The following ADCY5 variants were observed in gnomAD, a reference collection of about 807,000 sequenced individuals.
ADCY5 encodes the protein adenylate cyclase type 5.
In ADCY5, 30 loss-of-function variants were observed where a neutral mutation model predicts 119.7. That is an observed-to-expected ratio of 0.25 (90% CI 0.19 to 0.34). The LOEUF (loss-of-function observed/expected upper bound fraction) is 0.34, where lower values mean the gene tolerates loss of function less well. Ranked by LOEUF, ADCY5 falls within the 10% of genes least tolerant of loss-of-function variation. The pLI is 1.00. For synonymous variants in ADCY5, 753 were observed against 762.2 expected (o/e 0.99, Z 0.20); for missense variants, 1,324 against 1,775.2 (o/e 0.75, Z 4.57).
At chr3:123,336,495 G>A (rs1207951912) in intron 3 of ADCY5, among the ~76,000 whole-genome samples, 2 of 152,240 alleles carry the variant, frequency 1.3e-5, no homozygotes, top group Non-Finnish European at 2.9e-5. Flanking sequence ...AGGCTATGCA[G>A]CAAAGGCCTG....
At chr3:123,416,148 G>A in intron 1 of ADCY5, 6 of 1,535,592 alleles carry the variant, frequency 3.9e-6, no homozygotes, top group East Asian at 2.4e-5. Context: ...AAAGGGACAG[G>A]TAGTGTGGGA....
chr3:123,376,121 G>C (rs1007299687), intron 1 of ADCY5, among the ~76,000 whole-genome samples: 3 of 152,074 alleles, frequency 2.0e-5, no homozygotes, highest in Non-Finnish European at 2.9e-5. Flanking sequence ...CTGTTTCAGC[G>C]GGATTGTGAC....
At chr3:123,402,520 G>A (rs1239428920) in intron 1 of ADCY5, among the ~76,000 whole-genome samples, 2 of 152,214 alleles carry the variant, frequency 1.3e-5, no homozygotes, top group Admixed American at 1.3e-4. Flanking sequence ...ATCCAAGGAA[G>A]AGCAGCTCAT....
At position 123,291,007 on chromosome 3, in the gene ADCY5, T is replaced by C. The variant is rs1939110279; in HGVS notation, c.3327+106A>G. 9 of 1,412,170 alleles carry C rather than the reference T, an allele frequency of 6.4e-6. No homozygotes were observed. The South Asian group carries it at 8.8e-5, about 14-fold the overall frequency. 87.5% of individuals were successfully genotyped at this position (1,412,170 alleles called of 1,614,324 possible). On this transcript the variant is annotated intron_variant, in intron 18 of 20. Transcript: ENST00000462833. ...GCAGAGCTCCCATCATCACTGCTTA[T>C]GTCACGATGGTAGAAGGGGGCGCCA...
At position 123,448,416 on chromosome 3, in the gene ADCY5, G is replaced by A. The variant is rs189868197; in HGVS notation, c.130C>T (p.His44Tyr). The A allele has an allele frequency of 4.2e-4, 586 of 1,388,482 alleles. 4 individuals carry two copies. The East Asian group carries it at 0.016, about 37-fold the overall frequency. The allele number at this position is 1,388,482 out of a possible 1,614,324, so 86.0% of individuals were successfully genotyped here. ...EADSRANGYP[H>Y]APGGSARGST... ...CCGCGGGCAGAGCCCCCGGGGGCAT[G>A]GGGGTAGCCATTCGCGCGGGAATCG... Residue 44 changes from histidine to tyrosine, a missense_variant, in exon 1 of 21, where the codon CAT (histidine) becomes TAT (tyrosine). Transcript: ENST00000462833.
intron 1 of ADCY5, among the ~76,000 whole-genome samples, chr3:123,390,433 A>T (rs1016748278): frequency 6.6e-6 from 1 of 152,060 alleles, no homozygotes; most frequent in Non-Finnish European, 1.5e-5. Flanking sequence ...CTCATGGGAG[A>T]CCTGTTTGGC....
chr3:123,352,317 G>T lies in ADCY5; in HGVS notation c.1284+115C>A. On this transcript the variant is annotated intron_variant, in intron 2 of 20. Transcript: ENST00000462833. The surrounding 1 kb of genome is among the most constrained non-coding windows in gnomAD (Gnocchi z 4.8). ...TTCCCCATGGGTTGGTCCCCTCCCGGGGAGTGGGGCTGGCAGCCGTAATAA... is the reference window on the plus strand; with the variant it reads ...TTCCCCATGGGTTGGTCCCCTCCCGTGGAGTGGGGCTGGCAGCCGTAATAA... The T allele has an allele frequency of 7.5e-7, 1 of 1,338,580 alleles. No individual in the cohort carries two copies. The highest frequency in any genetic ancestry group is 9.9e-7 in the Non-Finnish European group (1 of 1,005,238). The allele number at this position is 1,338,580 out of a possible 1,614,324, so 82.9% of individuals were successfully genotyped here. A position where few individuals can be genotyped will look rare whatever the true frequency, so the allele number is the denominator to read the frequency against.
At chr3:123,368,084 G>A (rs1374787034) in intron 1 of ADCY5, 1 of 1,415,864 alleles carries the variant, frequency 7.1e-7, no homozygotes. Context: ...TGAGAGGAGT[G>A]CTATGCTGGG....
intron 1 of ADCY5, among the ~76,000 whole-genome samples, chr3:123,353,604 C>T (rs1018204576): frequency 2.6e-5 from 4 of 152,178 alleles, no homozygotes; most frequent in African/African-American, 9.7e-5. Context: ...GGGTCAGCCG[C>T]TGCACCTTCT....
intron 8 of ADCY5, among the ~76,000 whole-genome samples, chr3:123,322,415 G>A (rs958798333): frequency 2.6e-5 from 4 of 152,184 alleles, no homozygotes; most frequent in Admixed American, 2.0e-4. Context: ...GCTGAGTAGG[G>A]GGCTGGGACC....
rs1294019219 is a variant in ADCY5 at position 123,448,197 on chromosome 3, G to C, written c.349C>G (p.Arg117Gly). The change falls in exon 1 of 21, where the codon CGG becomes GGG. Residue 117 changes from arginine (R) to glycine (G), a missense_variant. Arg to Gly is a moderately radical substitution (Grantham distance 125, BLOSUM62 -2). Coordinates refer to ENST00000462833, the MANE Select transcript of ADCY5 (RefSeq NM_183357.3). ...GGDDCGRGSR[R>G]QRRGAASGGS... The stretch of plus-strand genomic sequence containing the variant: ...CCGCTGGCCGCGCCCCGCCGCTGCC[G>C]GCGGCTGCCGCGACCGCAGTCGTCG... 1.9e-5 allele frequency: 23 copies of C among 1,239,932 alleles called. No individual in the cohort carries two copies. Among genetic ancestry groups the C allele is most frequent in the Non-Finnish European group, 2.2e-5 (22 of 993,240 alleles). The allele number at this position is 1,239,932 out of a possible 1,614,324, so 76.8% of individuals were successfully genotyped here.
intron 7 of ADCY5, 32 bp downstream of exon 7, chr3:123,327,586 C>A (rs995944251): frequency 6.3e-7 from 1 of 1,596,432 alleles, no homozygotes; most frequent in African/African-American, 1.3e-5. Flanking sequence ...AGGAAGGGAG[C>A]CCCTCAGCCC....
At chr3:123,341,124 C>CA (rs1002245932) in intron 3 of ADCY5, among the ~76,000 whole-genome samples, 51 of 143,180 alleles carry the variant, frequency 3.6e-4, no homozygotes, top group South Asian at 2.7e-3. Context: ...GACTCCATCT[C>CA]AAAAAAAAAA....
chr3:123,391,589 A>T (rs1359883375), intron 1 of ADCY5, among the ~76,000 whole-genome samples: 1 of 152,164 alleles, frequency 6.6e-6, no homozygotes, highest in East Asian at 1.9e-4. Context: ...TCCAGCCTCC[A>T]CCATCACCCC....
At chr3:123,314,402 A>C in intron 11 of ADCY5, 80 bp from the exon 12 acceptor site, 1 of 1,125,736 alleles carries the variant, frequency 8.9e-7, no homozygotes, top group Non-Finnish European at 1.3e-6. Context: ...CCTGGCAAGC[A>C]GGCCACAGGT....
chr3:123,448,069 AC>A lies in ADCY5; in HGVS notation c.476del (p.Gly159ValfsTer79). 1 of 1,232,114 alleles carries A rather than the reference AC, an allele frequency of 8.1e-7. No homozygotes were observed. Among genetic ancestry groups the A allele is most frequent in the South Asian group, 2.8e-5 (1 of 36,084 alleles). 76.3% of individuals were successfully genotyped at this position (1,232,114 alleles called of 1,614,324 possible). A position where few individuals can be genotyped will look rare whatever the true frequency, so the allele number is the denominator to read the frequency against. On this transcript the variant is annotated frameshift_variant, in exon 1 of 21. Coordinates refer to ENST00000462833, the MANE Select transcript of ADCY5 (RefSeq NM_183357.3). LOFTEE classifies it high-confidence loss of function. ...TEVRPRSVEV[G>X]LEERRGKGRA... ...GCCCCTTGCCCCGCCGCTCCTCCAG[AC>A]CCACCTCCACCGAGCGAGGGCGCAC...
chr3:123,410,670 A>C (rs931141441), intron 1 of ADCY5, among the ~76,000 whole-genome samples: 1 of 152,088 alleles, frequency 6.6e-6, no homozygotes, highest in African/African-American at 2.4e-5. Flanking sequence ...TGGAGGTAGA[A>C]TCTCACTAGC....
intron 1 of ADCY5, among the ~76,000 whole-genome samples, chr3:123,376,058 G>A (rs571779686): frequency 3.3e-5 from 5 of 152,004 alleles, no homozygotes; most frequent in African/African-American, 7.2e-5. Flanking sequence ...TGCTCACCAG[G>A]GCAAAGGCTG....
rs1312125685 is a variant in ADCY5 at position 123,352,033 on chromosome 3, C to A, written c.1284+399G>T. 6.6e-6 allele frequency among the ~76,000 whole-genome samples: 1 copy of A among 152,216 alleles called. No homozygotes were observed. Among genetic ancestry groups the A allele is most frequent in the East Asian group, 1.9e-4 (1 of 5,192 alleles). On this transcript the variant is annotated intron_variant, in intron 2 of 20. Transcript: ENST00000462833. The surrounding 1 kb of genome is among the most constrained non-coding windows in gnomAD (Gnocchi z 4.8). ...TCTCCCTCATCCCTCCCCTGCGGAG[C>A]ACCTTAATCCCAGTTAGGAATGCTG...
Sources: gnomAD v4.1 joint callset for allele counts (sites outside exome capture counted in the v4.1 genomes callset) on GRCh38, gnomAD v4.1.1 for gene constraint, Gnocchi (gnomAD v3.1) non-coding constraint, MANE v1.5 for transcripts, NCBI Gene and HGNC (gene_info 2026-07-23, HGNC 2026-07-21) for gene names.